IQCM: variants seen among roughly 807,000 people sequenced by gnomAD.
IQCM encodes IQ domain-containing protein M.
Under a neutral mutation model 57.6 loss-of-function variants are expected in IQCM, and 45 were observed. The ratio of observed to expected loss-of-function variants is 0.78; its 90% CI spans 0.62 to 1.00. The LOEUF is 1.00. Ranked by LOEUF, IQCM falls within the 50% of genes least tolerant of loss-of-function variation. The pLI is 0.00. For synonymous variants in IQCM, 148 were observed against 158.9 expected (o/e 0.93, Z 0.51); for missense variants, 468 against 511.6 (o/e 0.91, Z 0.82).
intron 7 of IQCM, among the ~76,000 whole-genome samples, chr4:149,680,661 G>T (rs577225554): frequency 6.1e-4 from 93 of 151,278 alleles, no homozygotes; most frequent in Admixed American, 7.3e-4. Flanking sequence ...TGAAGTTATG[G>T]TTCAATTAAT....
At chr4:149,424,249 T>A (rs1734315244) in intron 13 of IQCM, among the ~76,000 whole-genome samples, 1 of 151,860 alleles carries the variant, frequency 6.6e-6, no homozygotes. Context: ...TAAAATGGCC[T>A]CATTTCTCCT....
chr4:149,378,002 G>A (rs113840023), intron 13 of IQCM, among the ~76,000 whole-genome samples: 19 of 152,174 alleles, frequency 1.2e-4, no homozygotes, highest in African/African-American at 3.4e-4. Flanking sequence ...TCATAGGGAC[G>A]GTTTCCCTCA....
Position 149,368,819 on chromosome 4 carries a change from C to CAT in IQCM, c.1391-16755_1391-16754dup, listed in dbSNP as rs1267954869. 2.9e-3 allele frequency among the ~76,000 whole-genome samples: 208 copies of CAT among 72,362 alleles called. 6 individuals are homozygous for CAT. Among genetic ancestry groups the CAT allele is most frequent in the African/African-American group, 0.014 (190 of 13,980 alleles). The allele number at this position is 72,362 out of a possible 152,430, so 47.5% of individuals were successfully genotyped here. On this transcript the variant is annotated intron_variant, in intron 13 of 13. Coordinates refer to ENST00000636793, the MANE Select transcript of IQCM (RefSeq NM_001363507.2). ...ACATATATATACATGTATATATATA[C>CAT]ATATATATACATGTATATATATACA...
intron 2 of IQCM, among the ~76,000 whole-genome samples, chr4:149,788,167 C>G (rs1286490818): frequency 6.6e-6 from 1 of 152,054 alleles, no homozygotes; most frequent in Non-Finnish European, 1.5e-5. Context: ...AACTCTGTCT[C>G]TACTAAAAAT....
At chr4:149,587,830 C>G (rs768673081) in intron 9 of IQCM, 100 bp downstream of exon 9, 5 of 482,866 alleles carry the variant, frequency 1.0e-5, no homozygotes, top group Non-Finnish European at 1.6e-5. Flanking sequence ...TTTCAACAAC[C>G]TATACTTCCT....
At chr4:149,436,146 C>G (rs1735345271) in intron 12 of IQCM, among the ~76,000 whole-genome samples, 1 of 152,050 alleles carries the variant, frequency 6.6e-6, no homozygotes, top group Non-Finnish European at 1.5e-5. Flanking sequence ...GTTAAGTGCC[C>G]TATATAGGTG....
At chr4:149,430,898 G>A (rs990291129) in intron 13 of IQCM, among the ~76,000 whole-genome samples, 5 of 151,980 alleles carry the variant, frequency 3.3e-5, no homozygotes, top group African/African-American at 7.2e-5. Context: ...GCAGATGTAT[G>A]TTTAATTTTA....
At chr4:149,425,408 T>C (rs1734395626) in intron 13 of IQCM, among the ~76,000 whole-genome samples, 1 of 151,918 alleles carries the variant, frequency 6.6e-6, no homozygotes, top group Non-Finnish European at 1.5e-5. Context: ...GTCTGAGAAC[T>C]AGGGGAGCCA....
chr4:149,456,588 T>G (rs879593225), intron 12 of IQCM, among the ~76,000 whole-genome samples: 1 of 152,120 alleles, frequency 6.6e-6, no homozygotes, highest in Admixed American at 6.6e-5. Flanking sequence ...GCAGATCAGC[T>G]GTAGAATTCT....
At chr4:149,481,696 G>GTTTTTTTT (rs1197852884) in intron 12 of IQCM, among the ~76,000 whole-genome samples, 92 of 33,608 alleles carry the variant, frequency 2.7e-3, no homozygotes, top group Middle Eastern at 0.028. Context: ...GATTCTTCCA[G>GTTTTTTTT]TTTTGTTTTT....
chr4:149,521,542 T>C (rs1426988228), intron 12 of IQCM, among the ~76,000 whole-genome samples: 2 of 152,224 alleles, frequency 1.3e-5, no homozygotes, highest in African/African-American at 4.8e-5. Flanking sequence ...AGATGTTTTA[T>C]GTCAAAATGT....
intron 2 of IQCM, among the ~76,000 whole-genome samples, chr4:149,801,667 T>C (rs1480034095): frequency 6.6e-6 from 1 of 151,962 alleles, no homozygotes; most frequent in Non-Finnish European, 1.5e-5. Flanking sequence ...ATGTTTTCAC[T>C]TATTTGTGGT....
At position 149,522,030 on chromosome 4, in the gene IQCM, G is replaced by T. The variant is rs79312199; in HGVS notation, c.1228+26425C>A. ...ATACAAAACTTAGAAACAAAAGGCT[G>T]CCAATTCCAGGGAGCATATGCTAGT... On this transcript the variant is annotated intron_variant, in intron 12 of 13. Coordinates refer to ENST00000636793, the MANE Select transcript of IQCM (RefSeq NM_001363507.2). Among the ~76,000 whole-genome samples the T allele has an allele frequency of 7.2e-4, 109 of 152,284 alleles. 1 individual carries two copies. The East Asian group carries it at 0.02, about 28-fold the overall frequency.
intron 9 of IQCM, among the ~76,000 whole-genome samples, chr4:149,569,791 C>T (rs1010042231): frequency 5.3e-5 from 8 of 151,942 alleles, no homozygotes; most frequent in African/African-American, 1.9e-4. Flanking sequence ...TTTTTTCCTC[C>T]AGAAACAGAA....
At chr4:149,593,090 C>T (rs547494748) in intron 8 of IQCM, among the ~76,000 whole-genome samples, 1 of 152,126 alleles carries the variant, frequency 6.6e-6, no homozygotes, top group Non-Finnish European at 1.5e-5. Context: ...TATCCATGAG[C>T]ATGGCATGTT....
At chr4:149,585,063 G>T (rs1263342149) in intron 9 of IQCM, among the ~76,000 whole-genome samples, 3 of 151,782 alleles carry the variant, frequency 2.0e-5, no homozygotes, top group African/African-American at 7.2e-5. Context: ...AAAGCTTGTG[G>T]GTATGTGTAA....
intron 2 of IQCM, among the ~76,000 whole-genome samples, chr4:149,804,970 C>T (rs900613474): frequency 5.3e-5 from 8 of 151,996 alleles, no homozygotes; most frequent in African/African-American, 1.7e-4. Context: ...CATATAACTG[C>T]CTCTAATCTT....
chr4:149,745,573 C>G (rs1767851618), intron 2 of IQCM, among the ~76,000 whole-genome samples: 1 of 152,126 alleles, frequency 6.6e-6, no homozygotes, highest in African/African-American at 2.4e-5. Context: ...TACAGGAATG[C>G]TAAGGATTTC....
intron 13 of IQCM, among the ~76,000 whole-genome samples, chr4:149,392,551 T>C (rs1731939807): frequency 6.6e-6 from 1 of 151,842 alleles, no homozygotes; most frequent in Non-Finnish European, 1.5e-5. Context: ...TTTCATTGAG[T>C]ACATATACAT....
Sources: allele counts gnomAD v4.1 joint callset (sites outside exome capture counted in the v4.1 genomes callset), GRCh38; gene constraint gnomAD v4.1.1; transcripts MANE v1.5; gene names NCBI Gene and HGNC (gene_info 2026-07-23, HGNC 2026-07-21).